GABRG3: variants seen among roughly 807,000 people sequenced by gnomAD.
The protein encoded by GABRG3 is gamma-aminobutyric acid receptor subunit gamma-3.
GABRG3 carries 25 observed loss-of-function variants against 48.8 expected under a neutral mutation model. The ratio of observed to expected loss-of-function variants is 0.51; its 90% CI spans 0.37 to 0.72. The LOEUF is 0.72. Among genes scored for constraint, GABRG3 ranks in the 30% least tolerant of loss-of-function variants. The probability of loss-of-function intolerance (pLI) is 0.00; values close to 1 mark genes in which losing one functional copy is unlikely to be tolerated. For synonymous variants in GABRG3, 227 were observed against 217.6 expected (o/e 1.04, Z -0.38); for missense variants, 394 against 577.9 (o/e 0.68, Z 3.26).
intron 3 of GABRG3, among the ~76,000 whole-genome samples, chr15:27,088,803 G>A (rs551986430): frequency 6.6e-6 from 1 of 152,260 alleles, no homozygotes; most frequent in South Asian, 2.1e-4. Flanking sequence ...GATTTGGGTG[G>A]GGACGCAGAG....
At chr15:27,118,980 TCA>T (rs1354985744) in intron 3 of GABRG3, among the ~76,000 whole-genome samples, 4 of 152,162 alleles carry the variant, frequency 2.6e-5, no homozygotes, top group Non-Finnish European at 5.9e-5. Flanking sequence ...GAAAGGTCAC[TCA>T]CAGACATTCT....
At chr15:26,993,758 A>T (rs977188526) in intron 2 of GABRG3, among the ~76,000 whole-genome samples, 1 of 151,608 alleles carries the variant, frequency 6.6e-6, no homozygotes, top group Admixed American at 6.6e-5. Flanking sequence ...TTCTTTGTTG[A>T]TTTTCTGTCT....
In GABRG3 at chr15:27,373,157, G is replaced by A. The variant is rs138874748; in HGVS notation, c.574+44269G>A. ...GGCTCCAACTCTTAATCAGGAAAAG[G>A]TGCCTAATCTTTCTGAGTGTATTTC... On this transcript the variant is annotated intron_variant, in intron 5 of 9. Transcript: ENST00000615808. 3.3e-3 allele frequency among the ~76,000 whole-genome samples: 505 copies of A among 152,288 alleles called. 5 individuals are homozygous for A. The highest frequency in any genetic ancestry group is 0.012 in the African/African-American group (480 of 41,560).
chr15:27,027,090 A>G (rs1895998494), intron 3 of GABRG3: 1 of 335,140 alleles, frequency 3.0e-6, no homozygotes, highest in African/African-American at 2.1e-5. Context: ...AGGATTCGAG[A>G]TCACTCAGAT....
At chr15:27,419,360 A>G (rs776938790) in intron 5 of GABRG3, among the ~76,000 whole-genome samples, 10 of 151,612 alleles carry the variant, frequency 6.6e-5, no homozygotes, top group Middle Eastern at 3.4e-3. Context: ...CTTTTTTTTC[A>G]TGTTCTGTCC....
At chr15:27,069,658 A>G (rs1022359221) in intron 3 of GABRG3, among the ~76,000 whole-genome samples, 4 of 152,224 alleles carry the variant, frequency 2.6e-5, no homozygotes, top group African/African-American at 7.2e-5. Context: ...TATTATTTAA[A>G]CTATGATTTA....
Position 27,457,038 on chromosome 15 carries a change from C to T in GABRG3, c.575-23612C>T, listed in dbSNP as rs759955003. Among the ~76,000 whole-genome samples the T allele has an allele frequency of 2.6e-5, 4 of 152,202 alleles. No individual in the cohort carries two copies. The highest frequency in any genetic ancestry group is 5.9e-5 in the Non-Finnish European group (4 of 68,046). On this transcript the variant is annotated intron_variant, in intron 5 of 9. Coordinates refer to ENST00000615808, the MANE Select transcript of GABRG3 (RefSeq NM_033223.5). This position sits in a 1 kb window ranked among gnomAD's most constrained non-coding sequence, Gnocchi z 4.4. ...CCGACCTCAGAAGGACCTGTGACAG[C>T]AGGGGTGTGGAAGTAGAAGGAGCTG...
Position 27,180,301 on chromosome 15 carries a change from C to G in GABRG3, c.271-146508C>G, listed in dbSNP as rs908675945. Among the ~76,000 whole-genome samples, 2 of 151,784 alleles carry G rather than the reference C, an allele frequency of 1.3e-5. No individual in the cohort carries two copies. Among genetic ancestry groups the G allele is most frequent in the South Asian group, 2.1e-4 (1 of 4,816 alleles). ...TGGTCACAATAGCAACTAGAGTAAA[C>G]GGGCAAATGGCTTGAGTGAAAGGAA... On this transcript the variant is annotated intron_variant, in intron 3 of 9. Coordinates refer to ENST00000615808, the MANE Select transcript of GABRG3 (RefSeq NM_033223.5). This position sits in a 1 kb window ranked among gnomAD's most constrained non-coding sequence, Gnocchi z 4.2.
chr15:27,402,909 C>G (rs1887516071), intron 5 of GABRG3, among the ~76,000 whole-genome samples: 1 of 152,156 alleles, frequency 6.6e-6, no homozygotes, highest in South Asian at 2.1e-4. Flanking sequence ...CCTGCCTATA[C>G]ATGGGGTCAA....
At chr15:27,372,712 A>C (rs1292052923) in intron 5 of GABRG3, among the ~76,000 whole-genome samples, 1 of 152,074 alleles carries the variant, frequency 6.6e-6, no homozygotes, top group South Asian at 2.1e-4. Context: ...TCCACCACTA[A>C]ATTTAAAGAG....
rs59391125 is a variant in GABRG3, at chr15:26,974,843, TTTA to T, written c.54-2114_54-2112del. On this transcript the variant is annotated intron_variant, in intron 1 of 9. Transcript: ENST00000615808. The surrounding 1 kb of genome is among the most constrained non-coding windows in gnomAD (Gnocchi z 4.3). The stretch of plus-strand genomic sequence containing the variant: ...CAGATGACACGAAATATTTTTTAAA[TTTA>T]TTATTATTATTATTATTATTATTAT... 0.23 allele frequency among the ~76,000 whole-genome samples: 32,099 copies of T among 140,564 alleles called. 3,770 individuals are homozygous for T. Among genetic ancestry groups the T allele is most frequent in the Non-Finnish European group, 0.26 (16,965 of 65,376 alleles). The allele number at this position is 140,564 out of a possible 152,430, so 92.2% of individuals were successfully genotyped here. A position where few individuals can be genotyped will look rare whatever the true frequency, so the allele number is the denominator to read the frequency against.
At position 26,993,858 on chromosome 15, in the gene GABRG3, T is replaced by C. The variant is rs143425757; in HGVS notation, c.202+16708T>C. On this transcript the variant is annotated intron_variant, in intron 2 of 9. Coordinates refer to ENST00000615808, the MANE Select transcript of GABRG3 (RefSeq NM_033223.5). ...GTTTCTCTCTTTAGCTCTAATAATA[T>C]TTGCTATATATATATATCTGTGTGC... is the stretch of plus-strand genomic sequence containing the variant. 5.0e-3 allele frequency among the ~76,000 whole-genome samples: 759 copies of C among 152,120 alleles called. 6 individuals carry two copies. Among genetic ancestry groups the C allele is most frequent in the African/African-American group, 0.017 (699 of 41,548 alleles).
chr15:27,313,260 G>GTGTATATATATATATATATATATA (rs1446263553), intron 3 of GABRG3, among the ~76,000 whole-genome samples: 1 of 49,560 alleles, frequency 2.0e-5, no homozygotes, highest in East Asian at 8.8e-4. Flanking sequence ...GTGTGTGTGT[G>GTGTATATATATATATATATATATA]TGTATATATA....
At chr15:27,347,013 T>C (rs1238014955) in intron 5 of GABRG3, among the ~76,000 whole-genome samples, 1 of 550 alleles carries the variant, frequency 1.8e-3, no homozygotes, top group Non-Finnish European at 4.2e-3. Flanking sequence ...TGGCATGCCT[T>C]ATAGTTTTTT....
intron 8 of GABRG3, 98 bp from the exon 9 acceptor site, chr15:27,527,835 G>C: frequency 9.5e-7 from 1 of 1,058,182 alleles, no homozygotes; most frequent in Non-Finnish European, 1.4e-6. Context: ...CGGTGACGTG[G>C]CTTGGTTTAG....
intron 3 of GABRG3, among the ~76,000 whole-genome samples, chr15:27,313,095 C>T (rs1348022145): frequency 6.8e-6 from 1 of 147,586 alleles, no homozygotes; most frequent in African/African-American, 2.5e-5. Context: ...ACCTTTATAT[C>T]AGGCAAAATA....
At chr15:27,250,074 C>G (rs111933720) in intron 3 of GABRG3, among the ~76,000 whole-genome samples, 3 of 152,076 alleles carry the variant, frequency 2.0e-5, no homozygotes, top group African/African-American at 7.2e-5. Flanking sequence ...CTTTTCCCTC[C>G]TCTCCAAAGC....
chr15:26,980,681 C>CAAAAAAAAA (rs67711680), intron 2 of GABRG3, among the ~76,000 whole-genome samples: 4 of 124,038 alleles, frequency 3.2e-5, no homozygotes, highest in Non-Finnish European at 5.6e-5. Context: ...TCCTCTGTCT[C>CAAAAAAAAA]AAAAAAAAAA....
chr15:27,468,378 C>A (rs561752639), intron 5 of GABRG3, among the ~76,000 whole-genome samples: 21 of 152,214 alleles, frequency 1.4e-4, no homozygotes, highest in African/African-American at 4.1e-4. Flanking sequence ...ATTTTTACAA[C>A]AAATATGGGT....
Sources: gnomAD v4.1 joint callset for allele counts (sites outside exome capture counted in the v4.1 genomes callset) on GRCh38, gnomAD v4.1.1 for gene constraint, Gnocchi (gnomAD v3.1) non-coding constraint, MANE v1.5 for transcripts, NCBI Gene and HGNC (gene_info 2026-07-23, HGNC 2026-07-21) for gene names.